ZNF407: variants seen among roughly 807,000 people sequenced by gnomAD.
ZNF407 encodes zinc finger protein 407.
Under a neutral mutation model 131.2 loss-of-function variants are expected in ZNF407, and 17 were observed. That is an observed-to-expected ratio of 0.13 (90% CI 0.09 to 0.19). The LOEUF (loss-of-function observed/expected upper bound fraction) is 0.19, where lower values mean the gene tolerates loss of function less well. Among genes scored for constraint, ZNF407 ranks in the 10% least tolerant of loss-of-function variants. The pLI is 1.00. For synonymous variants in ZNF407, 1,156 were observed against 1,062.0 expected (o/e 1.09, Z -1.72); for missense variants, 2,681 against 2,830.6 (o/e 0.95, Z 1.20).
At chr18:74,954,654 A>G (rs145589231) in intron 8 of ZNF407, among the ~76,000 whole-genome samples, 1 of 152,320 alleles carries the variant, frequency 6.6e-6, no homozygotes, top group East Asian at 1.9e-4. Context: ...ATTAGATGTC[A>G]CTGCTTTTAT....
At chr18:74,789,395 A>G (rs1969782371) in intron 4 of ZNF407, among the ~76,000 whole-genome samples, 1 of 152,070 alleles carries the variant, frequency 6.6e-6, no homozygotes, top group Admixed American at 6.6e-5. Flanking sequence ...GTAGAGAACT[A>G]AGATCCCAGA....
intron 8 of ZNF407, among the ~76,000 whole-genome samples, chr18:74,922,610 A>G (rs899206218): frequency 1.3e-5 from 2 of 152,200 alleles, no homozygotes; most frequent in Admixed American, 6.5e-5. Context: ...TTCTGCAGAA[A>G]GGGGTTTGTG....
chr18:74,996,538 C>T (rs1225940702), intron 8 of ZNF407, among the ~76,000 whole-genome samples: 5 of 152,200 alleles, frequency 3.3e-5, no homozygotes, highest in Non-Finnish European at 7.3e-5. Flanking sequence ...AAAGGCAGGG[C>T]TCTGATTTCG....
chr18:74,734,617 C>T (rs1375956691), intron 3 of ZNF407, among the ~76,000 whole-genome samples: 1 of 151,794 alleles, frequency 6.6e-6, no homozygotes, highest in Admixed American at 6.6e-5. Context: ...TCACCTGGCA[C>T]ATGAGTGTAG....
chr18:74,705,758 A>G (rs904930831), intron 3 of ZNF407, among the ~76,000 whole-genome samples: 3 of 152,216 alleles, frequency 2.0e-5, no homozygotes, highest in Non-Finnish European at 4.4e-5. Flanking sequence ...ATTTTTGACA[A>G]TATGAAAATT....
intron 4 of ZNF407, 95 bp downstream of exon 4, chr18:74,781,597 T>C: frequency 1.2e-6 from 1 of 856,504 alleles, no homozygotes; most frequent in Non-Finnish European, 1.7e-6. Flanking sequence ...TTTTTTCACA[T>C]CAGTTAATCA....
intron 3 of ZNF407, among the ~76,000 whole-genome samples, chr18:74,669,939 C>G (rs1013840711): frequency 6.6e-6 from 1 of 152,236 alleles, no homozygotes; most frequent in Non-Finnish European, 1.5e-5. Context: ...GACTCCCTGT[C>G]CTTTTTCCTC....
rs1205376165 is a variant in ZNF407 at position 75,063,797 on chromosome 18, CAGG to C, written c.6080_6082del (p.Glu2027del). On this transcript the variant is annotated inframe_deletion, in exon 9 of 9. Coordinates refer to ENST00000299687, the MANE Select transcript of ZNF407 (RefSeq NM_017757.3). This position sits in a 1 kb window ranked among gnomAD's most constrained non-coding sequence, Gnocchi z 6.6. ...AGACGTGCTGATCCAGCTGCCCGGG[CAGG>C]AGGTCTCCCATGTGGCTGCCGACCC... 1 of 1,609,120 alleles carries C rather than the reference CAGG, an allele frequency of 6.2e-7. No individual in the cohort carries two copies. Among genetic ancestry groups the C allele is most frequent in the African/African-American group, 1.3e-5 (1 of 75,028 alleles).
chr18:74,823,238 T>C (rs1364701800), intron 4 of ZNF407, among the ~76,000 whole-genome samples: 1 of 152,144 alleles, frequency 6.6e-6, no homozygotes, highest in African/African-American at 2.4e-5. Context: ...GAACAACCAG[T>C]ACCAGCCACT....
At chr18:74,763,312 A>G (rs1969143989) in intron 3 of ZNF407, among the ~76,000 whole-genome samples, 1 of 136,236 alleles carries the variant, frequency 7.3e-6, no homozygotes, top group African/African-American at 2.7e-5. Context: ...CTTCTTATTG[A>G]GCATGGGATT....
At chr18:74,730,664 C>T (rs1968273816) in intron 3 of ZNF407, among the ~76,000 whole-genome samples, 1 of 152,188 alleles carries the variant, frequency 6.6e-6, no homozygotes, top group Admixed American at 6.5e-5. Flanking sequence ...TCACCCTGTA[C>T]AATTCTTCGA....
intron 4 of ZNF407, among the ~76,000 whole-genome samples, chr18:74,876,773 A>G (rs1190855530): frequency 1.3e-5 from 2 of 152,328 alleles, no homozygotes; most frequent in Admixed American, 1.3e-4. Flanking sequence ...CGCCGGGTGC[A>G]TGCAGGAGAG....
chr18:74,957,422 ACT>A (rs1972289205), intron 8 of ZNF407, among the ~76,000 whole-genome samples: 1 of 151,184 alleles, frequency 6.6e-6, no homozygotes, highest in South Asian at 2.1e-4. Flanking sequence ...GGAATAATTC[ACT>A]CTCTCCTCTC....
At chr18:74,675,416 T>C (rs557524818) in intron 3 of ZNF407, among the ~76,000 whole-genome samples, 4 of 152,344 alleles carry the variant, frequency 2.6e-5, no homozygotes, top group Non-Finnish European at 5.9e-5. Context: ...GTATCCTCCC[T>C]CATAGTAAGC....
chr18:74,893,209 C>T (rs1971409416), intron 7 of ZNF407, among the ~76,000 whole-genome samples: 1 of 152,134 alleles, frequency 6.6e-6, no homozygotes, highest in African/African-American at 2.4e-5. Flanking sequence ...TGTTTTCTAA[C>T]TATATTGTTA....
At chr18:74,784,520 G>C (rs1363044826) in intron 4 of ZNF407, among the ~76,000 whole-genome samples, 2 of 152,184 alleles carry the variant, frequency 1.3e-5, no homozygotes, top group African/African-American at 4.8e-5. Flanking sequence ...GAGACTCTGT[G>C]AACACCTGAG....
chr18:74,861,744 C>T (rs1258594216), intron 4 of ZNF407, among the ~76,000 whole-genome samples: 1 of 152,038 alleles, frequency 6.6e-6, no homozygotes, highest in East Asian at 1.9e-4. Context: ...ATTTCATTGA[C>T]TTTTATATTC....
At chr18:74,602,629 G>A (rs1434492026) in intron 1 of ZNF407, among the ~76,000 whole-genome samples, 6 of 151,860 alleles carry the variant, frequency 4.0e-5, no homozygotes, top group Non-Finnish European at 7.4e-5. Flanking sequence ...TTGATTTATG[G>A]GACACTCAAA....
intron 7 of ZNF407, among the ~76,000 whole-genome samples, chr18:74,897,429 CTCTT>C (rs961656236): frequency 1.3e-5 from 2 of 152,160 alleles, no homozygotes; most frequent in Non-Finnish European, 2.9e-5. Flanking sequence ...CGTCTGCTAT[CTCTT>C]TAAGTAGAAT....
Sources: allele counts gnomAD v4.1 joint callset (sites outside exome capture counted in the v4.1 genomes callset), GRCh38; gene constraint gnomAD v4.1.1; non-coding constraint Gnocchi (gnomAD v3.1); transcripts MANE v1.5; gene names NCBI Gene and HGNC (gene_info 2026-07-23, HGNC 2026-07-21).